KIFAP3: variants seen among roughly 807,000 people sequenced by gnomAD.
KIFAP3 encodes the protein kinesin-associated protein 3.
KIFAP3 carries 68 observed loss-of-function variants against 106.5 expected under a neutral mutation model. The observed-to-expected ratio is 0.64, with a 90% CI of 0.53 to 0.78. The LOEUF (loss-of-function observed/expected upper bound fraction) is 0.78. KIFAP3 is among the 30% of genes least tolerant of loss of function. KIFAP3 has a pLI of 0.00. For missense variants in KIFAP3, 780 were observed against 941.8 expected (o/e 0.83, Z 2.25); for synonymous variants, 320 against 311.5 (o/e 1.03, Z -0.29).
intron 8 of KIFAP3, among the ~76,000 whole-genome samples, chr1:170,030,302 C>G (rs998160041): frequency 6.6e-6 from 1 of 151,848 alleles, no homozygotes; most frequent in Non-Finnish European, 1.5e-5. Context: ...AAAGAGATGG[C>G]AGATAAGCAC....
chr1:170,004,890 C>CA (rs1320400429), intron 10 of KIFAP3, among the ~76,000 whole-genome samples: 1 of 151,568 alleles, frequency 6.6e-6, no homozygotes, highest in African/African-American at 2.4e-5. Flanking sequence ...TTCTGCACAG[C>CA]AAAAGAAACT....
chr1:170,007,222 C>T (rs2474708), intron 10 of KIFAP3, among the ~76,000 whole-genome samples: 115,515 of 151,486 alleles, frequency 0.76, 44,479 homozygotes, highest in East Asian at 0.99. Flanking sequence ...GAGTGACAGC[C>T]TGATTGGAAA....
At chr1:170,060,010 C>T (rs961651097) in intron 1 of KIFAP3, among the ~76,000 whole-genome samples, 3 of 152,090 alleles carry the variant, frequency 2.0e-5, no homozygotes, top group South Asian at 4.1e-4. Context: ...ATTGATGGGA[C>T]GTATATCAAA....
intron 15 of KIFAP3, among the ~76,000 whole-genome samples, chr1:169,979,247 TC>T (rs1484704689): frequency 1.3e-5 from 2 of 152,142 alleles, no homozygotes; most frequent in East Asian, 3.9e-4. Context: ...TCTCACTCTA[TC>T]AACTACGTGT....
chr1:170,048,251 CAAG>C (rs1267627108), intron 2 of KIFAP3, among the ~76,000 whole-genome samples: 1 of 150,722 alleles, frequency 6.6e-6, no homozygotes, highest in Non-Finnish European at 1.5e-5. Flanking sequence ...CTAATGTTTA[CAAG>C]AAGAACTCTA....
chr1:170,050,063 T>C (rs1049503488), intron 2 of KIFAP3, among the ~76,000 whole-genome samples: 1 of 152,100 alleles, frequency 6.6e-6, no homozygotes, highest in African/African-American at 2.4e-5. Context: ...AGGAGCATGT[T>C]CTAACCCAAT....
chr1:169,957,117 C>A (rs1383742968), intron 18 of KIFAP3, among the ~76,000 whole-genome samples: 3 of 152,062 alleles, frequency 2.0e-5, no homozygotes, highest in Non-Finnish European at 4.4e-5. Flanking sequence ...AAAATTAATT[C>A]TTTTAGGGAA....
intron 10 of KIFAP3, among the ~76,000 whole-genome samples, chr1:170,003,300 T>C (rs1667761615): frequency 6.6e-6 from 1 of 152,210 alleles, no homozygotes; most frequent in South Asian, 2.1e-4. Flanking sequence ...TGAGTATCAC[T>C]GTATTAGAAG....
intron 17 of KIFAP3, 43 bp from the exon 18 acceptor site, chr1:169,961,278 CACTT>C (rs1408751513): frequency 6.7e-7 from 1 of 1,488,980 alleles, no homozygotes; most frequent in Non-Finnish European, 9.2e-7. Flanking sequence ...TAAGCTAACT[CACTT>C]GGCACTCAGA....
chr1:170,084,096 A>G lies in KIFAP3; in HGVS notation n.174+939T>C, dbSNP rs190391503. Among the ~76,000 whole-genome samples the G allele has an allele frequency of 2.0e-3, 305 of 152,304 alleles. 1 individual carries two copies. The highest frequency in any genetic ancestry group is 5.7e-3 in the African/African-American group (236 of 41,572). On this transcript the variant is annotated intron_variant and non_coding_transcript_variant, in intron 1 of 5. Transcript: ENST00000490550. ...AATCATTTAAAGACGAATAATCCCA[A>G]TGATACACCAACATGGCTAAAGATG... is the stretch of plus-strand genomic sequence containing the variant.
chr1:169,989,875 A>G (rs2101927536), intron 11 of KIFAP3, among the ~76,000 whole-genome samples: 4 of 152,264 alleles, frequency 2.6e-5, no homozygotes, highest in Middle Eastern at 6.8e-3. Context: ...GTCAATTAGA[A>G]TTAATAAAAA....
rs202179996 is a variant in KIFAP3, at chr1:169,993,728, T to C, written c.1184-1473A>G. 3.3e-5 allele frequency among the ~76,000 whole-genome samples: 5 copies of C among 152,202 alleles called. No individual in the cohort carries two copies. In the East Asian group the frequency reaches 9.8e-4, roughly 30 times the overall value. ...ATGGAAACCCTGTCTCTACTAAAAA[T>C]ATAAAAATTAGCTGGATGTGGTGGT... On this transcript the variant is annotated intron_variant, in intron 10 of 19. Transcript: ENST00000361580.
At chr1:170,013,154 T>C (rs1668327508) in intron 10 of KIFAP3, among the ~76,000 whole-genome samples, 1 of 152,144 alleles carries the variant, frequency 6.6e-6, no homozygotes, top group South Asian at 2.1e-4. Flanking sequence ...TGTTGGCACC[T>C]TGATCTTGAA....
At chr1:170,051,942 A>G (rs562996011) in intron 2 of KIFAP3, among the ~76,000 whole-genome samples, 1 of 152,274 alleles carries the variant, frequency 6.6e-6, no homozygotes, top group Admixed American at 6.5e-5. Context: ...GAACTAGAGA[A>G]GCAAGAGCAA....
intron 2 of KIFAP3, among the ~76,000 whole-genome samples, chr1:170,047,939 C>G (rs1405514254): frequency 6.6e-6 from 1 of 152,096 alleles, no homozygotes; most frequent in Non-Finnish European, 1.5e-5. Context: ...ATGCAAGGTT[C>G]TTTTGAAAAA....
intron 19 of KIFAP3, among the ~76,000 whole-genome samples, chr1:169,944,758 G>A (rs962347320): frequency 2.0e-5 from 3 of 152,144 alleles, no homozygotes; most frequent in African/African-American, 7.2e-5. Context: ...ATCTGCAGTG[G>A]GTAGCTCCTT....
At chr1:170,016,696 T>C in intron 9 of KIFAP3, 72 bp from the exon 10 acceptor site, 6 of 936,764 alleles carry the variant, frequency 6.4e-6, no homozygotes, top group Non-Finnish European at 9.3e-6. Context: ...TAATTATTTT[T>C]TCTTTGTTTT....
Position 170,016,500 on chromosome 1 carries a change from A to T in KIFAP3, c.1145T>A (p.Val382Glu). 1 of 1,608,696 alleles carries T rather than the reference A, an allele frequency of 6.2e-7. No homozygotes were observed. Among genetic ancestry groups the T allele is most frequent in the Non-Finnish European group, 8.5e-7 (1 of 1,177,852 alleles). The change falls in exon 10 of 20, where the codon GTA (valine) becomes GAA (glutamate). Residue 382 changes from valine to glutamate, a missense_variant. Coordinates refer to ENST00000361580, the MANE Select transcript of KIFAP3 (RefSeq NM_014970.4). ...SFDTGLRNKM[V>E]QVGLLPKLTA... is the part of the protein sequence containing the mutation. The stretch of plus-strand genomic sequence containing the variant: ...GAGCTTGGGAAGCAGTCCAACTTGT[A>T]CCATCTTATTCCTCAGTCCTGTGTC...
chr1:169,929,879 G>A (rs522017), intron 19 of KIFAP3, among the ~76,000 whole-genome samples: 142,355 of 152,200 alleles, frequency 0.94, 66,659 homozygotes, highest in East Asian at 0.99. Flanking sequence ...GTGAAAAACA[G>A]CACCTTGGGG....
Sources: gnomAD v4.1 joint callset for allele counts (sites outside exome capture counted in the v4.1 genomes callset) on GRCh38, gnomAD v4.1.1 for gene constraint, MANE v1.5 for transcripts, NCBI Gene and HGNC (gene_info 2026-07-23, HGNC 2026-07-21) for gene names.